RTN1: variants seen among roughly 807,000 people sequenced by gnomAD.
RTN1 encodes the protein reticulon-1.
Under a neutral mutation model 65.5 loss-of-function variants are expected in RTN1, and 25 were observed. The ratio of observed to expected loss-of-function variants is 0.38; its 90% CI spans 0.28 to 0.53. RTN1 has a LOEUF of 0.53. RTN1 is among the 20% of genes least tolerant of loss of function. RTN1 has a pLI of 0.79. For synonymous variants in RTN1, 471 were observed against 447.6 expected (o/e 1.05, Z -0.66); for missense variants, 983 against 1,025.4 (o/e 0.96, Z 0.57).
At chr14:59,827,242 C>G (rs1246620816) in intron 1 of RTN1, among the ~76,000 whole-genome samples, 1 of 152,094 alleles carries the variant, frequency 6.6e-6, no homozygotes, top group Non-Finnish European at 1.5e-5. Context: ...CCACGCCTGG[C>G]TAAGTTTTTA....
intron 3 of RTN1, 105 bp downstream of exon 3, chr14:59,726,814 C>CGAT: frequency 2.2e-6 from 2 of 927,986 alleles, no homozygotes; most frequent in Non-Finnish European, 3.2e-6. Context: ...ACTGTTTGAT[C>CGAT]AGCATGGGGA....
At chr14:59,767,265 C>A (rs1463509787) in intron 1 of RTN1, among the ~76,000 whole-genome samples, 2 of 152,192 alleles carry the variant, frequency 1.3e-5, no homozygotes, top group Admixed American at 1.3e-4. Flanking sequence ...TTCTGGATCA[C>A]ATGCTTAAAG....
At chr14:59,776,687 T>C (rs1055212229) in intron 1 of RTN1, among the ~76,000 whole-genome samples, 6 of 152,142 alleles carry the variant, frequency 3.9e-5, no homozygotes, top group Non-Finnish European at 8.8e-5. Flanking sequence ...GGCCTTCCCC[T>C]TACCCTCTCT....
rs867180903 is a variant in RTN1 at position 59,727,236 on chromosome 14, C to G, written c.1448G>C (p.Arg483Pro). 1 of 1,550,880 alleles carries G rather than the reference C, an allele frequency of 6.4e-7. No homozygotes were observed. Among genetic ancestry groups the G allele is most frequent in the East Asian group, 2.3e-5 (1 of 42,584 alleles). ...ASSASEESPK[R>P]EQDSPPMKPS... Reference sequence around the variant, plus strand: ...CTTCATCGGGGGTGAGTCCTGCTCCCGCTTGGGGCTCTCCTCCGAGGCCGA... The same window carrying G: ...CTTCATCGGGGGTGAGTCCTGCTCCGGCTTGGGGCTCTCCTCCGAGGCCGA... The change falls in exon 3 of 9, where the codon CGG (arginine) becomes CCG (proline). Residue 483 changes from arginine (R) to proline (P), a missense_variant. Around this residue, in one of 2 missense-constraint regions of RTN1, gnomAD observed 818 missense variants for 801.8 expected, o/e 1.02. Coordinates refer to ENST00000267484, the MANE Select transcript of RTN1 (RefSeq NM_021136.3). The surrounding 1 kb of genome is among the most constrained non-coding windows in gnomAD (Gnocchi z 4.2).
chr14:59,805,690 A>T (rs1406244145), intron 1 of RTN1, among the ~76,000 whole-genome samples: 2 of 152,210 alleles, frequency 1.3e-5, no homozygotes, highest in Admixed American at 6.5e-5. Flanking sequence ...TCTTTCATGA[A>T]AGTCTTTATT....
chr14:59,780,489 C>T (rs1886134188), intron 1 of RTN1, among the ~76,000 whole-genome samples: 1 of 152,122 alleles, frequency 6.6e-6, no homozygotes, highest in Admixed American at 6.6e-5. Context: ...CTAATGGTGC[C>T]AACCATTCCG....
In RTN1 at chr14:59,870,245, C is replaced by A; in HGVS notation, c.241+145G>T. The A allele has an allele frequency of 1.3e-6, 1 of 753,096 alleles. No individual in the cohort carries two copies. 46.7% of individuals were successfully genotyped at this position (753,096 alleles called of 1,614,324 possible). ...GTTTTCTACCAGCCCGCGAATATTC[C>A]CAGTCGCCCGTGGCGACGCGGGGGT... On this transcript the variant is annotated intron_variant, in intron 1 of 8. Coordinates refer to ENST00000267484, the MANE Select transcript of RTN1 (RefSeq NM_021136.3). The surrounding 1 kb of genome is among the most constrained non-coding windows in gnomAD (Gnocchi z 5.1).
intron 3 of RTN1, chr14:59,630,586 G>C: frequency 6.3e-7 from 1 of 1,597,438 alleles, no homozygotes; most frequent in Non-Finnish European, 8.5e-7. Flanking sequence ...CGGCTGCTGC[G>C]GCTGGGCTCG....
Position 59,808,590 on chromosome 14 carries a change from C to T in RTN1, c.241+61800G>A, listed in dbSNP as rs769177538. Among the ~76,000 whole-genome samples, 103 of 152,148 alleles carry T rather than the reference C, an allele frequency of 6.8e-4. 1 individual carries two copies. The highest frequency in any genetic ancestry group is 1.3e-3 in the Non-Finnish European group (88 of 68,030). On this transcript the variant is annotated intron_variant, in intron 1 of 8. Coordinates refer to ENST00000267484, the MANE Select transcript of RTN1 (RefSeq NM_021136.3). ...GGAACTCTGAAGAAGAGGAGGCTTA[C>T]GTTTACAAGGCTGCAGTAAGAACTG...
intron 6 of RTN1, 40 bp from the exon 7 acceptor site, chr14:59,603,298 A>G: frequency 6.6e-7 from 1 of 1,506,818 alleles, no homozygotes; most frequent in Non-Finnish European, 9.2e-7. Flanking sequence ...ATTCTGAGTT[A>G]TCAATAAGAA....
intron 1 of RTN1, among the ~76,000 whole-genome samples, chr14:59,749,144 ATCT>A (rs1885301629): frequency 1.8e-5 from 2 of 110,938 alleles, no homozygotes; most frequent in African/African-American, 4.5e-5. Context: ...ATATCTATCT[ATCT>A]ATCTATCTAT....
At chr14:59,605,160 C>G (rs1425215516) in intron 5 of RTN1, 1 of 486,290 alleles carries the variant, frequency 2.1e-6, no homozygotes. Flanking sequence ...CACTGGGCAA[C>G]CCTGGACAAA....
intron 1 of RTN1, among the ~76,000 whole-genome samples, chr14:59,810,107 T>C (rs966289942): frequency 1.3e-5 from 2 of 152,200 alleles, no homozygotes; most frequent in Admixed American, 1.3e-4. Context: ...GGAAAGGTAT[T>C]GACTGCTTTG....
chr14:59,778,923 G>T (rs1360082041), intron 1 of RTN1, among the ~76,000 whole-genome samples: 2 of 152,128 alleles, frequency 1.3e-5, no homozygotes, highest in Non-Finnish European at 2.9e-5. Context: ...AAGAACTTCG[G>T]ATATCATGCT....
chr14:59,694,432 C>T (rs749354941), intron 3 of RTN1, among the ~76,000 whole-genome samples: 18 of 152,138 alleles, frequency 1.2e-4, no homozygotes, highest in Non-Finnish European at 2.1e-4. Flanking sequence ...TATGCACTTA[C>T]ACACACATGG....
intron 1 of RTN1, among the ~76,000 whole-genome samples, chr14:59,749,172 C>CTATATA (rs1885306397): frequency 6.6e-5 from 4 of 60,998 alleles, no homozygotes; most frequent in African/African-American, 3.7e-4. Flanking sequence ...ATCTATATAT[C>CTATATA]TATCTATATA....
chr14:59,671,778 C>A, intron 3 of RTN1, among the ~76,000 whole-genome samples: 1 of 152,306 alleles, frequency 6.6e-6, no homozygotes, highest in South Asian at 2.1e-4. Flanking sequence ...AATGCTTAGG[C>A]GGGGAACAGC....
At chr14:59,634,228 T>C (rs1882615718) in intron 3 of RTN1, among the ~76,000 whole-genome samples, 1 of 152,130 alleles carries the variant, frequency 6.6e-6, no homozygotes, top group Non-Finnish European at 1.5e-5. Context: ...GAGAAGAACA[T>C]TCACAGATGC....
At chr14:59,740,338 G>T (rs745889618) in intron 2 of RTN1, among the ~76,000 whole-genome samples, 13 of 152,166 alleles carry the variant, frequency 8.5e-5, no homozygotes, top group Non-Finnish European at 1.9e-4. Flanking sequence ...AGTAGGTCTG[G>T]ATGTAACTCC....
Sources: allele counts gnomAD v4.1 joint callset (sites outside exome capture counted in the v4.1 genomes callset), GRCh38; gene constraint gnomAD v4.1.1; regional missense constraint gnomAD v4.1.1; non-coding constraint Gnocchi (gnomAD v3.1); transcripts MANE v1.5; gene names NCBI Gene and HGNC (gene_info 2026-07-23, HGNC 2026-07-21).